RGS22: variants seen among roughly 807,000 people sequenced by gnomAD.
RGS22 encodes regulator of G protein signaling 22, also known as regulator of G-protein signaling 22.
In RGS22, 148 loss-of-function variants were observed where a neutral mutation model predicts 172.9. That is an observed-to-expected ratio of 0.86 (90% CI 0.75 to 0.98). The LOEUF (loss-of-function observed/expected upper bound fraction) is 0.98, where lower values mean the gene tolerates loss of function less well. Ranked by LOEUF, RGS22 falls within the 50% of genes least tolerant of loss-of-function variation. The pLI is 0.00. For missense variants in RGS22, 1,347 were observed against 1,440.8 expected (o/e 0.93, Z 1.05); for synonymous variants, 458 against 480.2 (o/e 0.95, Z 0.60).
chr8:99,990,144 T>C (rs953361315), intron 20 of RGS22, among the ~76,000 whole-genome samples: 9 of 152,136 alleles, frequency 5.9e-5, no homozygotes, highest in African/African-American at 2.2e-4. Flanking sequence ...AGGATTTCTT[T>C]AAGAATAGAG....
At chr8:100,096,607 A>AT (rs59285481) in intron 2 of RGS22, among the ~76,000 whole-genome samples, 65,645 of 142,340 alleles carry the variant, frequency 0.46, 15,679 homozygotes, top group East Asian at 0.6. Flanking sequence ...ATGAACTACA[A>AT]TTTTTTTTTT....
At position 100,106,023 on chromosome 8, in the gene RGS22, G is replaced by T; in HGVS notation, c.-102C>A. On this transcript the variant is annotated 5_prime_UTR_variant, in exon 1 of 28. Coordinates refer to ENST00000360863, the MANE Select transcript of RGS22 (RefSeq NM_015668.5). ...CCTGAGCGACGCGGCGACGGCGCGC[G>T]GGCTCCGGAGCTACGCTGGCTAGCG... 8.4e-7 allele frequency: 1 copy of T among 1,191,558 alleles called. No individual in the cohort carries two copies. The highest frequency in any genetic ancestry group is 1.6e-5 in the African/African-American group (1 of 62,560). The allele number at this position is 1,191,558 out of a possible 1,614,324, so 73.8% of individuals were successfully genotyped here.
chr8:100,048,594 C>T (rs1820970944), intron 10 of RGS22, among the ~76,000 whole-genome samples: 1 of 151,868 alleles, frequency 6.6e-6, no homozygotes, highest in Non-Finnish European at 1.5e-5. Context: ...GTAATAACTA[C>T]TAATAATTTT....
At chr8:100,010,737 A>G (rs1240095191) in intron 14 of RGS22, among the ~76,000 whole-genome samples, 1 of 152,122 alleles carries the variant, frequency 6.6e-6, no homozygotes, top group Non-Finnish European at 1.5e-5. Flanking sequence ...CCAAATCCCT[A>G]GAAAAGACTC....
rs78029617 is a variant in RGS22, at chr8:99,968,978, G to A, written c.3520-3548C>T. Among the ~76,000 whole-genome samples the A allele has an allele frequency of 4.6e-5, 7 of 152,240 alleles. No individual in the cohort carries two copies. In the East Asian group the frequency reaches 1.4e-3, roughly 29 times the overall value. On this transcript the variant is annotated intron_variant, in intron 23 of 27. Coordinates refer to ENST00000360863, the MANE Select transcript of RGS22 (RefSeq NM_015668.5). The stretch of plus-strand genomic sequence containing the variant: ...GGAAAAAATATTAGGGGCAGCCAGA[G>A]ACAACCCTTTATAGGTCAGGTTACC...
chr8:100,099,642 T>C (rs1813305152), intron 2 of RGS22, among the ~76,000 whole-genome samples: 1 of 152,228 alleles, frequency 6.6e-6, no homozygotes, highest in African/African-American at 2.4e-5. Context: ...AACTTATCAA[T>C]GGGACTGTTA....
intron 10 of RGS22, among the ~76,000 whole-genome samples, chr8:100,049,575 T>G (rs1197683631): frequency 6.6e-6 from 1 of 152,240 alleles, no homozygotes; most frequent in African/African-American, 2.4e-5. Context: ...TTAATTTTTC[T>G]TCCCCCTTTC....
intron 3 of RGS22, among the ~76,000 whole-genome samples, chr8:100,089,604 A>G (rs1314527034): frequency 7.9e-5 from 12 of 152,134 alleles, no homozygotes; most frequent in Admixed American, 7.9e-4. Context: ...CTCTTAACAT[A>G]TGGCACCAAA....
At chr8:99,962,587 C>T in intron 26 of RGS22, 100 bp downstream of exon 26, 1 of 1,409,930 alleles carries the variant, frequency 7.1e-7, no homozygotes. Flanking sequence ...GGGGTCGGTC[C>T]TCACCCCTTC....
At chr8:99,991,354 A>T (rs543182405) in intron 20 of RGS22, among the ~76,000 whole-genome samples, 1 of 152,320 alleles carries the variant, frequency 6.6e-6, no homozygotes. Context: ...ATCGCAAGGA[A>T]GCTAAAAACC....
At chr8:100,078,581 T>A (rs1443605287) in intron 4 of RGS22, among the ~76,000 whole-genome samples, 2 of 151,996 alleles carry the variant, frequency 1.3e-5, no homozygotes, top group Admixed American at 1.3e-4. Context: ...TTCCATTTAG[T>A]ACTTTTTAAT....
intron 2 of RGS22, among the ~76,000 whole-genome samples, chr8:100,098,872 T>TTTTATTTTA (rs1813221101): frequency 3.9e-5 from 1 of 25,342 alleles, no homozygotes; most frequent in Non-Finnish European, 6.6e-5. Flanking sequence ...ATTTATTTTA[T>TTTTATTTTA]TTTATTTTAT....
chr8:100,052,261 A>G (rs1821733452), intron 10 of RGS22, among the ~76,000 whole-genome samples: 1 of 140,338 alleles, frequency 7.1e-6, no homozygotes, highest in South Asian at 2.1e-4. Context: ...ATAAATGTAT[A>G]TAAATGTATA....
At chr8:100,089,235 C>CAT (rs397969006) in intron 3 of RGS22, among the ~76,000 whole-genome samples, 1 of 151,308 alleles carries the variant, frequency 6.6e-6, no homozygotes, top group African/African-American at 2.4e-5. Flanking sequence ...CACACACACA[C>CAT]GATATTCTCA....
intron 4 of RGS22, among the ~76,000 whole-genome samples, chr8:100,072,576 G>T (rs1381912580): frequency 2.0e-5 from 3 of 151,976 alleles, no homozygotes; most frequent in Non-Finnish European, 4.4e-5. Context: ...CATAAAATGG[G>T]TTAAAAATAA....
chr8:100,018,310 T>C (rs1817229642), intron 14 of RGS22, among the ~76,000 whole-genome samples: 1 of 151,974 alleles, frequency 6.6e-6, no homozygotes, highest in South Asian at 2.1e-4. Flanking sequence ...CTGTCAATAT[T>C]ACTCGAGAGT....
intron 16 of RGS22, 129 bp from the exon 17 acceptor site, chr8:100,004,227 G>T: frequency 8.8e-7 from 1 of 1,132,546 alleles, no homozygotes; most frequent in Non-Finnish European, 1.2e-6. Flanking sequence ...GGCAGAGTGG[G>T]TAAAGACTTT....
chr8:100,054,729 C>T (rs1358222982), intron 9 of RGS22, among the ~76,000 whole-genome samples: 1 of 152,142 alleles, frequency 6.6e-6, no homozygotes, highest in Non-Finnish European at 1.5e-5. Flanking sequence ...GTATAGATCT[C>T]TGTGGTCATT....
At chr8:100,080,004 A>G (rs987189103) in intron 4 of RGS22, 130 bp downstream of exon 4, 12 of 643,996 alleles carry the variant, frequency 1.9e-5, no homozygotes, top group Non-Finnish European at 2.9e-5. Context: ...TGCTTAACAA[A>G]TACTATGTGT....
Sources: gnomAD v4.1 joint callset for allele counts (sites outside exome capture counted in the v4.1 genomes callset) on GRCh38, gnomAD v4.1.1 for gene constraint, MANE v1.5 for transcripts, NCBI Gene and HGNC (gene_info 2026-07-23, HGNC 2026-07-21) for gene names.